MPP3: variants seen among roughly 807,000 people sequenced by gnomAD.
MPP3 encodes the protein MAGUK p55 scaffold protein 3.
A neutral mutation model predicts 80.7 loss-of-function variants in MPP3; 48 were observed. The observed-to-expected ratio is 0.59, with a 90% CI of 0.47 to 0.76. MPP3 has a LOEUF of 0.76. MPP3 is among the 30% of genes least tolerant of loss of function. The pLI is 0.00. For missense variants in MPP3, 620 were observed against 763.0 expected (o/e 0.81, Z 2.21); for synonymous variants, 311 against 297.6 (o/e 1.04, Z -0.46).
In MPP3 at chr17:43,801,785, G is replaced by C. The variant is rs772228505; in HGVS notation, c.1674C>G (p.Leu558=). ...CTTTGAGCTGGCTGTAGGCACCCTGGAGATCCTCCTTCACCAGCACGGCGT... is the reference window on the plus strand; with the variant it reads ...CTTTGAGCTGGCTGTAGGCACCCTGCAGATCCTCCTTCACCAGCACGGCGT... ...LVDAVLVKED[L]QGAYSQLKVV... The change falls in exon 20 of 20, where the codon CTC becomes CTG. Residue 558 remains leucine (L), a synonymous_variant. Coordinates refer to ENST00000398389, the MANE Select transcript of MPP3 (RefSeq NM_001932.6). The C allele has an allele frequency of 6.2e-7, 1 of 1,614,136 alleles. No individual in the cohort carries two copies. Among genetic ancestry groups the C allele is most frequent in the African/African-American group, 1.3e-5 (1 of 75,044 alleles).
chr17:43,828,420 C>T lies in MPP3; in HGVS notation c.442-588G>A, dbSNP rs147483458. On this transcript the variant is annotated intron_variant, in intron 7 of 19. Coordinates refer to ENST00000398389, the MANE Select transcript of MPP3 (RefSeq NM_001932.6). Reference sequence around the variant, plus strand: ...CCACACAGGCCGGACTGCAGCAGGACGGCAGAAAGCTTAAGAGCTAAGCTC... The same window carrying T: ...CCACACAGGCCGGACTGCAGCAGGATGGCAGAAAGCTTAAGAGCTAAGCTC... Among the ~76,000 whole-genome samples the T allele has an allele frequency of 2.4e-4, 37 of 152,284 alleles. No individual in the cohort carries two copies. In the East Asian group the frequency reaches 4.4e-3, roughly 18 times the overall value.
intron 17 of MPP3, 56 bp from the exon 18 acceptor site, chr17:43,810,971 C>A: frequency 6.8e-7 from 1 of 1,472,128 alleles, no homozygotes; most frequent in Non-Finnish European, 9.4e-7. Context: ...CCTAAATTAG[C>A]AAAGCAAAGG....
At chr17:43,830,512 T>C (rs1465719617) in intron 5 of MPP3, among the ~76,000 whole-genome samples, 2 of 152,174 alleles carry the variant, frequency 1.3e-5, no homozygotes, top group African/African-American at 4.8e-5. Context: ...GGCTCTCAGA[T>C]GCTATTTTAT....
intron 8 of MPP3, among the ~76,000 whole-genome samples, chr17:43,826,933 TCAAA>T: frequency 6.6e-6 from 1 of 151,826 alleles, no homozygotes; most frequent in Non-Finnish European, 1.5e-5. Flanking sequence ...ACTCCTGGGC[TCAAA>T]CAATCTTCCT....
chr17:43,812,033 T>C (rs2044886524), intron 16 of MPP3, among the ~76,000 whole-genome samples: 1 of 152,238 alleles, frequency 6.6e-6, no homozygotes, highest in African/African-American at 2.4e-5. Context: ...AGTCAATTAG[T>C]TCTCATCTCC....
intron 16 of MPP3, 27 bp downstream of exon 16, chr17:43,813,984 C>T (rs745519147): frequency 1.9e-6 from 3 of 1,564,490 alleles, no homozygotes; most frequent in South Asian, 2.3e-5. Flanking sequence ...TGCAGACAAA[C>T]ACACACTCCC....
intron 10 of MPP3, among the ~76,000 whole-genome samples, chr17:43,822,636 G>A (rs1161297110): frequency 3.3e-5 from 3 of 90,504 alleles, no homozygotes; most frequent in Non-Finnish European, 6.1e-5. Context: ...GCTGCCTCAC[G>A]GAGCTTTCTA....
At chr17:43,824,056 A>T in intron 9 of MPP3, 51 bp from the exon 10 acceptor site, 2 of 1,326,380 alleles carry the variant, frequency 1.5e-6, no homozygotes, top group South Asian at 2.5e-5. Flanking sequence ...TAACCCTCCA[A>T]GAGTTCAACT....
intron 11 of MPP3, among the ~76,000 whole-genome samples, chr17:43,820,605 TACACACACACACAC>T (rs61249899): frequency 1.5e-3 from 190 of 125,292 alleles, no homozygotes; most frequent in African/African-American, 5.0e-3. Context: ...AAAAAAAAAA[TACACACACACACAC>T]ACACACACAC....
At chr17:43,806,667 T>A (rs548789711) in intron 19 of MPP3, among the ~76,000 whole-genome samples, 1 of 152,250 alleles carries the variant, frequency 6.6e-6, no homozygotes, top group Admixed American at 6.5e-5. Context: ...TATAGTGCGA[T>A]GGCGCAATCT....
At chr17:43,818,214 G>A in intron 11 of MPP3, 104 bp from the exon 12 acceptor site, 7 of 1,026,512 alleles carry the variant, frequency 6.8e-6, no homozygotes, top group Non-Finnish European at 9.5e-6. Flanking sequence ...GATCCCACAG[G>A]TGGGCACACA....
chr17:43,801,911 GGTT>G (rs750838951), intron 19 of MPP3, 34 bp from the exon 20 acceptor site: 4 of 1,597,126 alleles, frequency 2.5e-6, no homozygotes, highest in Non-Finnish European at 3.4e-6. Flanking sequence ...GGAGCAACTG[GGTT>G]GTTCTCCTAT....
intron 14 of MPP3, 171 bp from the exon 15 acceptor site, chr17:43,814,532 A>C: frequency 1.7e-6 from 1 of 583,062 alleles, no homozygotes; most frequent in Non-Finnish European, 2.9e-6. Flanking sequence ...CAATAATAAG[A>C]TGAAAGGGTG....
intron 19 of MPP3, among the ~76,000 whole-genome samples, chr17:43,803,435 G>A (rs760313059): frequency 1.3e-5 from 2 of 152,036 alleles, no homozygotes; most frequent in Non-Finnish European, 2.9e-5. Context: ...GATGGAACTC[G>A]CCCACCTGTG....
intron 16 of MPP3, among the ~76,000 whole-genome samples, chr17:43,811,885 G>A (rs1055021864): frequency 6.6e-6 from 1 of 152,108 alleles, no homozygotes; most frequent in South Asian, 2.1e-4. Flanking sequence ...GAGCCACCGC[G>A]CCCAGCATAT....
chr17:43,816,243 C>T (rs749715746), intron 13 of MPP3, among the ~76,000 whole-genome samples, 164 bp from the exon 14 acceptor site: 1 of 152,186 alleles, frequency 6.6e-6, no homozygotes, highest in Non-Finnish European at 1.5e-5. Context: ...AAAGCAAGGT[C>T]CTCTGTTTTG....
intron 15 of MPP3, 40 bp from the exon 16 acceptor site, chr17:43,814,131 G>A (rs2044997115): frequency 2.5e-6 from 4 of 1,604,192 alleles, no homozygotes; most frequent in Non-Finnish European, 3.4e-6. Flanking sequence ...TCCCTGCTGA[G>A]CTCCCTCCCC....
chr17:43,812,584 T>G (rs1199076344), intron 16 of MPP3, among the ~76,000 whole-genome samples: 1 of 152,198 alleles, frequency 6.6e-6, no homozygotes, highest in East Asian at 1.9e-4. Context: ...CTCTTCTGCC[T>G]GGAAAACTCC....
chr17:43,801,634 TA>T lies in MPP3; in HGVS notation c.*66del. The stretch of plus-strand genomic sequence containing the variant: ...CTCTGCGCTTGAGATTCCTTGATGG[TA>T]AAATGAGGGAGTCTGGACTAGATGA... On this transcript the variant is annotated 3_prime_UTR_variant, in exon 20 of 20. Transcript: ENST00000398389. The T allele has an allele frequency of 6.8e-7, 1 of 1,469,868 alleles. No homozygotes were observed. Among genetic ancestry groups the T allele is most frequent in the Non-Finnish European group, 9.4e-7 (1 of 1,060,678 alleles). 91.1% of individuals were successfully genotyped at this position (1,469,868 alleles called of 1,614,324 possible).
Sources: allele counts gnomAD v4.1 joint callset (sites outside exome capture counted in the v4.1 genomes callset), GRCh38; gene constraint gnomAD v4.1.1; transcripts MANE v1.5; gene names NCBI Gene and HGNC (gene_info 2026-07-23, HGNC 2026-07-21).